Variants in PLS1 observed in about 807,000 individuals in gnomAD.
PLS1 encodes plastin-1.
PLS1 carries 32 observed loss-of-function variants against 73.7 expected under a neutral mutation model. The ratio of observed to expected loss-of-function variants is 0.43; its 90% CI spans 0.33 to 0.58. The LOEUF (loss-of-function observed/expected upper bound fraction) is 0.58, where lower values mean the gene tolerates loss of function less well. PLS1 is among the 20% of genes least tolerant of loss of function. PLS1 has a pLI of 0.04. For missense variants in PLS1, 633 were observed against 740.5 expected, an observed-to-expected ratio of 0.85 and a Z score of 1.68; for synonymous variants, 217 against 261.3, an observed-to-expected ratio of 0.83 and a Z score of 1.63.
intron 1 of PLS1, among the ~76,000 whole-genome samples, chr3:142,601,946 C>T (rs914319972): frequency 5.9e-5 from 9 of 152,176 alleles, no homozygotes; most frequent in South Asian, 4.1e-4. Flanking sequence ...ATACACTGAG[C>T]GCTCAAATAA....
rs142481972 is a variant in PLS1 at position 142,692,858 on chromosome 3, TGATA to T, written c.1178-1604_1178-1601del. Among the ~76,000 whole-genome samples the T allele has an allele frequency of 3.6e-3, 545 of 152,136 alleles. 1 individual carries two copies. Among genetic ancestry groups the T allele is most frequent in the Middle Eastern group, 0.02 (6 of 294 alleles). On this transcript the variant is annotated intron_variant, in intron 10 of 15. Transcript: ENST00000457734. ...AGAAACATATATATATATATCTTTA[TGATA>T]GATAGAGAAACAACTGAGAGGTAAA...
chr3:142,659,077 T>C (rs1464221344), intron 1 of PLS1, among the ~76,000 whole-genome samples: 1 of 152,208 alleles, frequency 6.6e-6, no homozygotes, highest in African/African-American at 2.4e-5. Flanking sequence ...AAATGCGTAG[T>C]GAGCTCATGC....
intron 1 of PLS1, among the ~76,000 whole-genome samples, chr3:142,608,031 A>G (rs2036054499): frequency 6.6e-6 from 1 of 152,042 alleles, no homozygotes; most frequent in Admixed American, 6.6e-5. Flanking sequence ...TTATTTTTAG[A>G]GACAGGGTCT....
intron 2 of PLS1, among the ~76,000 whole-genome samples, chr3:142,664,628 T>C (rs1390837285): frequency 1.3e-5 from 2 of 152,216 alleles, no homozygotes; most frequent in African/African-American, 2.4e-5. Flanking sequence ...CTTCCTTGTG[T>C]ATAAACTGAA....
chr3:142,639,866 T>C (rs1468387515), intron 1 of PLS1, among the ~76,000 whole-genome samples: 1 of 152,250 alleles, frequency 6.6e-6, no homozygotes, highest in Non-Finnish European at 1.5e-5. Flanking sequence ...TCCCCTATGA[T>C]GTTTGACATA....
At chr3:142,600,696 G>C (rs997483504) in intron 1 of PLS1, among the ~76,000 whole-genome samples, 6 of 151,520 alleles carry the variant, frequency 4.0e-5, no homozygotes, top group African/African-American at 1.2e-4. Context: ...TGAGGGAGCT[G>C]TTGGATGCCA....
intron 14 of PLS1, among the ~76,000 whole-genome samples, chr3:142,707,959 C>CAGATA (rs2038500597): frequency 6.6e-6 from 1 of 152,074 alleles, no homozygotes. Flanking sequence ...ATCTGTGTGA[C>CAGATA]CATGGGCAAG....
chr3:142,701,988 G>T (rs940803472), intron 12 of PLS1, among the ~76,000 whole-genome samples: 14 of 152,098 alleles, frequency 9.2e-5, no homozygotes, highest in African/African-American at 3.1e-4. Flanking sequence ...TTTTAAGCGG[G>T]CTAAGCCTAT....
intron 1 of PLS1, among the ~76,000 whole-genome samples, chr3:142,621,159 AT>A (rs1449385546): frequency 3.9e-5 from 6 of 152,118 alleles, no homozygotes; most frequent in African/African-American, 2.4e-5. Context: ...TTTTCCTGGA[AT>A]TTTGGTTTAG....
At chr3:142,666,231 T>G (rs1451355519) in intron 2 of PLS1, among the ~76,000 whole-genome samples, 1 of 152,220 alleles carries the variant, frequency 6.6e-6, no homozygotes, top group East Asian at 1.9e-4. Context: ...TTCATTAGCA[T>G]TTAGTACATT....
At chr3:142,631,687 AAAAG>A (rs1407465114) in intron 1 of PLS1, among the ~76,000 whole-genome samples, 2 of 151,094 alleles carry the variant, frequency 1.3e-5, no homozygotes, top group South Asian at 2.1e-4. Context: ...AAAAAAAAAA[AAAAG>A]AAGTTGAACC....
intron 14 of PLS1, among the ~76,000 whole-genome samples, chr3:142,704,898 TCCGC>T (rs1438976774): frequency 2.0e-5 from 3 of 151,182 alleles, no homozygotes; most frequent in African/African-American, 7.3e-5. Flanking sequence ...GACCTCGTGA[TCCGC>T]CCGCCTCAGC....
chr3:142,699,774 A>G (rs886264785), intron 12 of PLS1, among the ~76,000 whole-genome samples: 1 of 152,216 alleles, frequency 6.6e-6, no homozygotes, highest in Non-Finnish European at 1.5e-5. Flanking sequence ...CACTAATTTT[A>G]AAGAAAAAAA....
At chr3:142,610,894 C>G (rs1387935174) in intron 1 of PLS1, among the ~76,000 whole-genome samples, 3 of 152,168 alleles carry the variant, frequency 2.0e-5, no homozygotes, top group Non-Finnish European at 2.9e-5. Context: ...TGAGCTAGGC[C>G]TCATCTGTCT....
intron 9 of PLS1, 114 bp from the exon 10 acceptor site, chr3:142,689,504 T>C (rs1387580293): frequency 6.6e-6 from 3 of 452,336 alleles, no homozygotes; most frequent in Non-Finnish European, 7.7e-6. Context: ...TTGATCTTAT[T>C]TTGAGTTATT....
chr3:142,598,031 G>A (rs749893341), intron 1 of PLS1, among the ~76,000 whole-genome samples: 15 of 152,206 alleles, frequency 9.9e-5, no homozygotes, highest in Middle Eastern at 3.4e-3. Context: ...CCCTCTTTCC[G>A]TATTGAAGTC....
chr3:142,659,998 T>C (rs1212280257), intron 1 of PLS1, among the ~76,000 whole-genome samples: 1 of 152,226 alleles, frequency 6.6e-6, no homozygotes, highest in East Asian at 1.9e-4. Context: ...AAGAAGCACA[T>C]TCTAAAAGAG....
chr3:142,691,549 G>C (rs1387791272), intron 10 of PLS1, among the ~76,000 whole-genome samples: 1 of 151,908 alleles, frequency 6.6e-6, no homozygotes, highest in African/African-American at 2.4e-5. Context: ...AATTCTTTTT[G>C]CTAGTGTTCA....
intron 1 of PLS1, among the ~76,000 whole-genome samples, chr3:142,630,041 C>T (rs556129386): frequency 6.6e-6 from 1 of 152,314 alleles, no homozygotes; most frequent in South Asian, 2.1e-4. Flanking sequence ...AAGGGTCAAA[C>T]TCTTTCCAAG....
Sources: allele counts gnomAD v4.1 joint callset (sites outside exome capture counted in the v4.1 genomes callset), GRCh38; gene constraint gnomAD v4.1.1; transcripts MANE v1.5; gene names NCBI Gene and HGNC (gene_info 2026-07-23, HGNC 2026-07-21).